Variants in CDH1 observed in about 807,000 individuals in gnomAD.
CDH1 encodes cadherin-1.
A neutral mutation model predicts 84.5 loss-of-function variants in CDH1; 35 were observed. The ratio of observed to expected loss-of-function variants is 0.41; its 90% CI spans 0.32 to 0.55. The LOEUF (loss-of-function observed/expected upper bound fraction) is 0.55. Ranked by LOEUF, CDH1 falls within the 20% of genes least tolerant of loss-of-function variation. The pLI is 0.19. For missense variants in CDH1, 994 were observed against 1,126.6 expected (o/e 0.88, Z 1.68); for synonymous variants, 417 against 439.0 (o/e 0.95, Z 0.63).
chr16:68,773,868 G>A (rs1253901051), intron 2 of CDH1, among the ~76,000 whole-genome samples: 3 of 152,206 alleles, frequency 2.0e-5, no homozygotes, highest in African/African-American at 2.4e-5. Context: ...TGGCCAAGAC[G>A]AGAGATTGGT....
At position 68,737,377 on chromosome 16, in the gene CDH1, C is replaced by T. The variant is rs778538635; in HGVS notation, c.-39C>T. 5 of 1,523,366 alleles carry T rather than the reference C, an allele frequency of 3.3e-6. No homozygotes were observed. The highest frequency in any genetic ancestry group is 4.4e-6 in the Non-Finnish European group (5 of 1,139,252). The allele number at this position is 1,523,366 out of a possible 1,614,324, so 94.4% of individuals were successfully genotyped here. A position where few individuals can be genotyped will look rare whatever the true frequency, so the allele number is the denominator to read the frequency against. ...GCTCCAGCCCGGCCCGACCCGACCG[C>T]ACCCGGCGCCTGCCCTCGCTCGGCG... On this transcript the variant is annotated 5_prime_UTR_variant, in exon 1 of 16. Coordinates refer to ENST00000261769, the MANE Select transcript of CDH1 (RefSeq NM_004360.5).
chr16:68,738,490 CT>C, intron 2 of CDH1, 79 bp downstream of exon 2: 1 of 972,448 alleles, frequency 1.0e-6, no homozygotes, highest in Non-Finnish European at 1.5e-6. Flanking sequence ...TCCCACACCC[CT>C]GGGTTGCAAT....
At position 68,834,548 on chromosome 16, in the gene CDH1, A is replaced by C. The variant is rs886052244; in HGVS notation, c.*1049A>C. 18 of 258,600 alleles carry C rather than the reference A, an allele frequency of 7.0e-5. No individual in the cohort carries two copies. The highest frequency in any genetic ancestry group is 7.5e-6 in the Non-Finnish European group (1 of 133,226). The allele number at this position is 258,600 out of a possible 1,614,324, so 16.0% of individuals were successfully genotyped here. Reference sequence around the variant, plus strand: ...TTTTAATATCAACTCTCACTCCTGAATTCAGTTGCTTTGCCCAAGATAGGA... The same window carrying C: ...TTTTAATATCAACTCTCACTCCTGACTTCAGTTGCTTTGCCCAAGATAGGA... On this transcript the variant is annotated 3_prime_UTR_variant, in exon 16 of 16. Coordinates refer to ENST00000261769, the MANE Select transcript of CDH1 (RefSeq NM_004360.5).
chr16:68,773,845 A>T (rs981323813), intron 2 of CDH1, among the ~76,000 whole-genome samples: 1 of 152,250 alleles, frequency 6.6e-6, no homozygotes, highest in African/African-American at 2.4e-5. Context: ...GAAACAAGTT[A>T]TGTGGACAAA....
chr16:68,785,821 A>G (rs1305191090), intron 2 of CDH1, among the ~76,000 whole-genome samples: 1 of 152,026 alleles, frequency 6.6e-6, no homozygotes, highest in Admixed American at 6.6e-5. Context: ...ATTGATGGCT[A>G]TTTGGGCTGT....
rs573904299 is a variant in CDH1 at position 68,810,878 on chromosome 16, A to AT, written c.832+546dup. On this transcript the variant is annotated intron_variant, in intron 6 of 15. Transcript: ENST00000261769. Reference sequence around the variant, plus strand: ...CAGACTCCGTCTCAAAAAAAAAAAAATTTTTTTTTCAGAGACAGGGTCTTG... The same window carrying AT: ...CAGACTCCGTCTCAAAAAAAAAAAAATTTTTTTTTTCAGAGACAGGGTCTTG... Among the ~76,000 whole-genome samples the AT allele has an allele frequency of 5.3e-5, 8 of 150,690 alleles. 1 individual carries two copies. The highest frequency in any genetic ancestry group is 2.7e-4 in the Admixed American group (4 of 15,074).
chr16:68,749,474 C>A (rs1294860389), intron 2 of CDH1, among the ~76,000 whole-genome samples: 9 of 152,232 alleles, frequency 5.9e-5, no homozygotes, highest in Non-Finnish European at 1.3e-4. Context: ...AGAGACCTCA[C>A]ACGCTGGAGG....
intron 2 of CDH1, among the ~76,000 whole-genome samples, chr16:68,792,600 C>T (rs938012726): frequency 4.6e-5 from 7 of 152,170 alleles, no homozygotes; most frequent in African/African-American, 1.7e-4. Flanking sequence ...ACACCCATGG[C>T]GTTTGCCGTC....
intron 2 of CDH1, among the ~76,000 whole-genome samples, chr16:68,782,087 G>A (rs1304257612): frequency 6.6e-6 from 1 of 152,226 alleles, no homozygotes; most frequent in Non-Finnish European, 1.5e-5. Flanking sequence ...CTTTGATCAA[G>A]AGGGGTGGAA....
At chr16:68,833,263 A>G (rs779066150) in intron 15 of CDH1, 27 bp from the exon 16 acceptor site, 9 of 1,604,580 alleles carry the variant, frequency 5.6e-6, no homozygotes, top group Non-Finnish European at 6.8e-6. Flanking sequence ...CTTTCACTAA[A>G]AGATGCTTTT....
In CDH1 at chr16:68,772,705, C is replaced by T. The variant is rs1236999847; in HGVS notation, c.164-28965C>T. ...ATCCCAGTACTTTGGGAGGCCGAGG[C>T]AGGTGGATCGCTTGTGCCCAGGAGT... On this transcript the variant is annotated intron_variant, in intron 2 of 15. Coordinates refer to ENST00000261769, the MANE Select transcript of CDH1 (RefSeq NM_004360.5). 2.0e-5 allele frequency among the ~76,000 whole-genome samples: 3 copies of T among 152,148 alleles called. No homozygotes were observed. The East Asian group carries it at 5.8e-4, about 29-fold the overall frequency.
intron 3 of CDH1, among the ~76,000 whole-genome samples, chr16:68,806,122 ATATTTATTTATTTATTTATT>A (rs200148272): frequency 0.094 from 13,545 of 144,478 alleles, 827 homozygotes; most frequent in Middle Eastern, 0.16. Flanking sequence ...TAATTTTTGT[ATATTTATTTATTTATTTATT>A]TATTTATTTA....
intron 2 of CDH1, among the ~76,000 whole-genome samples, chr16:68,744,015 C>G (rs1478852997): frequency 6.6e-6 from 1 of 152,116 alleles, no homozygotes; most frequent in African/African-American, 2.4e-5. Flanking sequence ...TGCCAATGGG[C>G]AGGAATGTAA....
chr16:68,806,468 GT>G, intron 3 of CDH1, among the ~76,000 whole-genome samples: 1 of 152,206 alleles, frequency 6.6e-6, no homozygotes, highest in Middle Eastern at 3.4e-3. Context: ...AGTGATGATG[GT>G]CAGTTTTTTA....
In CDH1 at chr16:68,821,898, A is replaced by G; in HGVS notation, c.1712-103A>G. On this transcript the variant is annotated intron_variant, in intron 11 of 15. Transcript: ENST00000261769. ...CGGGTGGAGTGGGGCCTGGTGAGGG[A>G]CCACTGAAGAGCCAGGACAAGATCT... 1.1e-6 allele frequency: 1 copy of G among 894,980 alleles called. No individual in the cohort carries two copies. The highest frequency in any genetic ancestry group is 1.9e-5 in the Admixed American group (1 of 53,782). 55.4% of individuals were successfully genotyped at this position (894,980 alleles called of 1,614,324 possible). A position where few individuals can be genotyped will look rare whatever the true frequency, so the allele number is the denominator to read the frequency against.
chr16:68,774,011 C>T (rs1334698658), intron 2 of CDH1, among the ~76,000 whole-genome samples: 2 of 152,224 alleles, frequency 1.3e-5, no homozygotes, highest in African/African-American at 4.8e-5. Flanking sequence ...AACTTCCCAG[C>T]CTCAAGCGAT....
At chr16:68,828,136 G>C in intron 13 of CDH1, 38 bp from the exon 14 acceptor site, 1 of 1,612,410 alleles carries the variant, frequency 6.2e-7, no homozygotes, top group Non-Finnish European at 8.5e-7. Context: ...CTTTATCTTT[G>C]GCTCTCAACA....
intron 13 of CDH1, 120 bp from the exon 14 acceptor site, chr16:68,828,054 C>A: frequency 9.6e-7 from 1 of 1,046,110 alleles, no homozygotes; most frequent in Non-Finnish European, 1.5e-6. Context: ...GTATTGAAGG[C>A]AGCTAGTGGC....
chr16:68,743,427 A>G (rs1300764259), intron 2 of CDH1, among the ~76,000 whole-genome samples: 1 of 150,878 alleles, frequency 6.6e-6, no homozygotes, highest in Non-Finnish European at 1.5e-5. Context: ...GTAGAGAGGT[A>G]GGATCTCAGC....
Sources: allele counts gnomAD v4.1 joint callset (sites outside exome capture counted in the v4.1 genomes callset), GRCh38; gene constraint gnomAD v4.1.1; transcripts MANE v1.5; gene names NCBI Gene and HGNC (gene_info 2026-07-23, HGNC 2026-07-21).